PTPRN2: variants seen among roughly 807,000 people sequenced by gnomAD.
PTPRN2 encodes protein tyrosine phosphatase receptor type N2, also known as receptor-type tyrosine-protein phosphatase N2.
A neutral mutation model predicts 118.8 loss-of-function variants in PTPRN2; 74 were observed. That is an observed-to-expected ratio of 0.62 (90% CI 0.52 to 0.76). PTPRN2 has a LOEUF of 0.76. PTPRN2 is among the 30% of genes least tolerant of loss of function. PTPRN2 has a pLI of 0.00. For missense variants in PTPRN2, 1,481 were observed against 1,394.4 expected, an observed-to-expected ratio of 1.06 and a Z score of -0.99; for synonymous variants, 641 against 608.0, an observed-to-expected ratio of 1.05 and a Z score of -0.80.
chr7:158,516,248 G>A (rs1214936940), intron 1 of PTPRN2, among the ~76,000 whole-genome samples: 1 of 152,212 alleles, frequency 6.6e-6, no homozygotes, highest in Admixed American at 6.5e-5. Context: ...GGAAGGCTGA[G>A]GTGGAAGGAT....
At chr7:158,168,283 G>A (rs1823210622) in intron 5 of PTPRN2, among the ~76,000 whole-genome samples, 1 of 152,194 alleles carries the variant, frequency 6.6e-6, no homozygotes, top group Non-Finnish European at 1.5e-5. Flanking sequence ...TTAACTAAAG[G>A]TCCTTTGCAC....
chr7:157,932,609 T>C (rs1008550024), intron 11 of PTPRN2, among the ~76,000 whole-genome samples: 2 of 150,716 alleles, frequency 1.3e-5, no homozygotes, highest in Non-Finnish European at 3.0e-5. Context: ...TGAGTCACTC[T>C]GACAGTTTTA....
intron 2 of PTPRN2, among the ~76,000 whole-genome samples, chr7:158,444,314 G>A (rs997701725): frequency 1.2e-4 from 18 of 152,254 alleles, no homozygotes; most frequent in Admixed American, 7.2e-4. Context: ...AGCCCCAGCC[G>A]GCCGTGAGCC....
intron 2 of PTPRN2, among the ~76,000 whole-genome samples, chr7:158,392,478 G>A (rs1057115039): frequency 5.3e-5 from 8 of 152,216 alleles, no homozygotes; most frequent in Non-Finnish European, 1.0e-4. Flanking sequence ...GCATGGAGCA[G>A]GGCCTCACAG....
intron 13 of PTPRN2, among the ~76,000 whole-genome samples, chr7:157,677,303 G>A (rs1263549): frequency 0.065 from 9,947 of 152,052 alleles, 489 homozygotes; most frequent in East Asian, 0.22. Context: ...ATCTCACTGC[G>A]TGGTCTCTGT....
At chr7:157,938,682 G>A (rs2128788234) in intron 11 of PTPRN2, among the ~76,000 whole-genome samples, 1 of 152,360 alleles carries the variant, frequency 6.6e-6, no homozygotes, top group African/African-American at 2.4e-5. Context: ...TTAAACTGAT[G>A]AGATTTGAGG....
At position 157,690,192 on chromosome 7, in the gene PTPRN2, CTG is replaced by C. The variant is rs1212247173; in HGVS notation, c.1789-7257_1789-7256del. On this transcript the variant is annotated intron_variant, in intron 12 of 22. Transcript: ENST00000389418. The surrounding 1 kb of genome is among the most constrained non-coding windows in gnomAD (Gnocchi z 7.1). ...CAGGACAGCTGCCAACCCTCCAAAT[CTG>C]TGCGCTCAGAAGGAGCTGCCCTTTG... Among the ~76,000 whole-genome samples, 3 of 152,198 alleles carry C rather than the reference CTG, an allele frequency of 2.0e-5. No homozygotes were observed. Among genetic ancestry groups the C allele is most frequent in the South Asian group, 2.1e-4 (1 of 4,830 alleles).
At chr7:157,884,659 C>T (rs1316297291) in intron 12 of PTPRN2, among the ~76,000 whole-genome samples, 2 of 152,220 alleles carry the variant, frequency 1.3e-5, no homozygotes, top group East Asian at 3.9e-4. Flanking sequence ...GTCAGAGGCA[C>T]ATCTCACAGG....
chr7:158,340,067 C>T (rs1466376123), intron 2 of PTPRN2, among the ~76,000 whole-genome samples: 2 of 76,734 alleles, frequency 2.6e-5, no homozygotes, highest in Non-Finnish European at 5.7e-5. Context: ...ACACTGTCAC[C>T]ATAAGAGGTG....
intron 3 of PTPRN2, among the ~76,000 whole-genome samples, chr7:158,276,675 C>T (rs1799027181): frequency 6.6e-6 from 1 of 152,228 alleles, no homozygotes; most frequent in Non-Finnish European, 1.5e-5. Flanking sequence ...TCCAGCGTTT[C>T]CAGGCCCACA....
chr7:157,593,627 A>G (rs1013417499), intron 17 of PTPRN2, among the ~76,000 whole-genome samples: 1 of 152,228 alleles, frequency 6.6e-6, no homozygotes, highest in African/African-American at 2.4e-5. Flanking sequence ...GAGCGTGCAC[A>G]GCAGGGGGCA....
intron 1 of PTPRN2, among the ~76,000 whole-genome samples, chr7:158,491,627 C>G (rs1333651691): frequency 6.6e-6 from 1 of 152,004 alleles, no homozygotes; most frequent in Non-Finnish European, 1.5e-5. Flanking sequence ...GTGGCTGGGA[C>G]TACAGGCGTG....
chr7:157,556,562 T>C (rs1318137108), intron 21 of PTPRN2, among the ~76,000 whole-genome samples: 2 of 145,890 alleles, frequency 1.4e-5, no homozygotes, highest in Admixed American at 1.4e-4. Context: ...CATACATATG[T>C]ACATGCACAC....
At chr7:157,577,117 A>C (rs1207654256) in intron 18 of PTPRN2, among the ~76,000 whole-genome samples, 1 of 152,218 alleles carries the variant, frequency 6.6e-6, no homozygotes, top group Non-Finnish European at 1.5e-5. Context: ...GGAACCAGAG[A>C]AAAATTACAC....
At chr7:157,557,979 T>C (rs1235893679) in intron 21 of PTPRN2, among the ~76,000 whole-genome samples, 1 of 150,836 alleles carries the variant, frequency 6.6e-6, no homozygotes, top group African/African-American at 2.5e-5. Context: ...CTGGTAAGTT[T>C]CTATCGACTG....
rs545213087 is a variant in PTPRN2, at chr7:158,096,140, C to G, written c.1643+14689G>C. On this transcript the variant is annotated intron_variant, in intron 10 of 22. Transcript: ENST00000389418. ...TTGTCCAGCTAACATGTATTGCAAA[C>G]CTCCACAGCAGACGTTATTCTAGTT... 5.3e-5 allele frequency among the ~76,000 whole-genome samples: 8 copies of G among 152,282 alleles called. No individual in the cohort carries two copies. In the South Asian group the frequency reaches 1.7e-3, roughly 32 times the overall value.
At position 158,407,523 on chromosome 7, in the gene PTPRN2, GTCCTGC is replaced by G. The variant is rs1813667442; in HGVS notation, c.163+82206_163+82211del. Among the ~76,000 whole-genome samples, 2 of 16,430 alleles carry G rather than the reference GTCCTGC, an allele frequency of 1.2e-4. 1 individual carries two copies. The highest frequency in any genetic ancestry group is 2.3e-4 in the Non-Finnish European group (2 of 8,790). 10.8% of individuals were successfully genotyped at this position (16,430 alleles called of 152,430 possible). On this transcript the variant is annotated intron_variant, in intron 2 of 22. Coordinates refer to ENST00000389418, the MANE Select transcript of PTPRN2 (RefSeq NM_002847.5). Reference sequence around the variant, plus strand: ...CTGCGTCCTGGGTCCTGCGTCCTGCGTCCTGCGTCCTGGGTCCTGCGTCCTGCGTCC... The same window carrying G: ...CTGCGTCCTGGGTCCTGCGTCCTGCGGTCCTGGGTCCTGCGTCCTGCGTCC...
rs140260236 is a variant in PTPRN2 at position 158,191,518 on chromosome 7, A to AGC, written c.549+807_549+808dup. Among the ~76,000 whole-genome samples, 664 of 152,284 alleles carry AGC rather than the reference A, an allele frequency of 4.4e-3. 5 individuals carry two copies. The highest frequency in any genetic ancestry group is 0.015 in the African/African-American group (636 of 41,576). On this transcript the variant is annotated intron_variant, in intron 5 of 22. Transcript: ENST00000389418. ...GCTGGGCTCCAAAGGTGATTTCTGC[A>AGC]GCTCTTGTCCCTCCCTCTTTCCAGG...
chr7:158,514,287 G>A (rs1328612626), intron 1 of PTPRN2, among the ~76,000 whole-genome samples: 3 of 152,194 alleles, frequency 2.0e-5, no homozygotes, highest in Non-Finnish European at 4.4e-5. Flanking sequence ...TTATCAATGA[G>A]GAGGGATGGC....
Sources: gnomAD v4.1 joint callset for allele counts (sites outside exome capture counted in the v4.1 genomes callset) on GRCh38, gnomAD v4.1.1 for gene constraint, Gnocchi (gnomAD v3.1) non-coding constraint, MANE v1.5 for transcripts, NCBI Gene and HGNC (gene_info 2026-07-23, HGNC 2026-07-21) for gene names.